XKR4: variants seen among roughly 807,000 people sequenced by gnomAD.
The protein encoded by XKR4 is XK related 4, also known as XK-related protein 4.
XKR4 carries 12 observed loss-of-function variants against 53.9 expected under a neutral mutation model. The ratio of observed to expected loss-of-function variants is 0.22; its 90% CI spans 0.14 to 0.36. The LOEUF (loss-of-function observed/expected upper bound fraction) is 0.36, where lower values mean the gene tolerates loss of function less well. XKR4 is among the 10% of genes least tolerant of loss of function. The probability of loss-of-function intolerance (pLI) is 1.00; values close to 1 mark genes in which losing one functional copy is unlikely to be tolerated. For synonymous variants in XKR4, 354 were observed against 362.4 expected (o/e 0.98, Z 0.26); for missense variants, 799 against 859.5 (o/e 0.93, Z 0.88).
At chr8:55,153,205 G>C (rs539678894) in intron 1 of XKR4, among the ~76,000 whole-genome samples, 4 of 152,298 alleles carry the variant, frequency 2.6e-5, no homozygotes, top group African/African-American at 7.2e-5. Flanking sequence ...AAAATTGGAC[G>C]AGTTGTTTGT....
chr8:55,314,346 G>A (rs768405145), intron 1 of XKR4, among the ~76,000 whole-genome samples: 1 of 152,120 alleles, frequency 6.6e-6, no homozygotes, highest in Non-Finnish European at 1.5e-5. Context: ...AACCCCAGGA[G>A]ACCTGGTAGT....
chr8:55,507,486 T>G (rs148278334), intron 2 of XKR4, among the ~76,000 whole-genome samples: 30 of 152,300 alleles, frequency 2.0e-4, no homozygotes, highest in Admixed American at 4.6e-4. Flanking sequence ...TATCTCCCAA[T>G]GCTATCCCTA....
At chr8:55,106,610 T>C (rs781262428) in intron 1 of XKR4, among the ~76,000 whole-genome samples, 5 of 152,210 alleles carry the variant, frequency 3.3e-5, no homozygotes, top group Non-Finnish European at 7.4e-5. Context: ...TTAGTCCTCA[T>C]GCTTTTGATC....
chr8:55,371,918 C>T (rs1804074237), intron 2 of XKR4, among the ~76,000 whole-genome samples: 1 of 152,216 alleles, frequency 6.6e-6, no homozygotes, highest in South Asian at 2.1e-4. Flanking sequence ...AGGGGCCTGA[C>T]TATTTTTAGG....
At chr8:55,453,475 G>C in intron 2 of XKR4, 1 of 397,318 alleles carries the variant, frequency 2.5e-6, no homozygotes, top group Non-Finnish European at 5.0e-6. Context: ...CGTGGGAGAT[G>C]CAGTTGCCCA....
intron 2 of XKR4, among the ~76,000 whole-genome samples, chr8:55,499,213 A>G (rs1467483542): frequency 6.6e-6 from 1 of 152,244 alleles, no homozygotes; most frequent in Non-Finnish European, 1.5e-5. Flanking sequence ...CCCACAGGCT[A>G]TGCTAAGATA....
At chr8:55,215,858 G>A (rs1022023449) in intron 1 of XKR4, among the ~76,000 whole-genome samples, 3 of 152,170 alleles carry the variant, frequency 2.0e-5, no homozygotes, top group Admixed American at 6.5e-5. Flanking sequence ...CACTAGTGCT[G>A]ATTTTGTTTT....
intron 1 of XKR4, among the ~76,000 whole-genome samples, chr8:55,195,749 G>A (rs1232700376): frequency 6.6e-6 from 1 of 152,118 alleles, no homozygotes; most frequent in African/African-American, 2.4e-5. Flanking sequence ...ATCAGAGGAG[G>A]TGTTTAGTTT....
At chr8:55,347,723 C>T (rs1803668944) in intron 1 of XKR4, among the ~76,000 whole-genome samples, 2 of 152,178 alleles carry the variant, frequency 1.3e-5, no homozygotes, top group Admixed American at 1.3e-4. Flanking sequence ...CTAATGAGAG[C>T]TGGGTATTTA....
chr8:55,274,655 A>G (rs1051104020), intron 1 of XKR4, among the ~76,000 whole-genome samples: 4 of 151,838 alleles, frequency 2.6e-5, no homozygotes, highest in African/African-American at 9.7e-5. Context: ...CTGGTCTCGA[A>G]CTCCTGGCCT....
At chr8:55,336,883 G>C (rs185313422) in intron 1 of XKR4, among the ~76,000 whole-genome samples, 1 of 152,072 alleles carries the variant, frequency 6.6e-6, no homozygotes, top group Non-Finnish European at 1.5e-5. Flanking sequence ...TGCATCAGGC[G>C]CACACGAACC....
At chr8:55,192,306 C>A (rs1402611146) in intron 1 of XKR4, among the ~76,000 whole-genome samples, 1 of 150,608 alleles carries the variant, frequency 6.6e-6, no homozygotes, top group Non-Finnish European at 1.5e-5. Flanking sequence ...GAGCATAAAA[C>A]TACTAAGATA....
At chr8:55,176,891 A>G (rs1817243079) in intron 1 of XKR4, among the ~76,000 whole-genome samples, 1 of 152,098 alleles carries the variant, frequency 6.6e-6, no homozygotes, top group African/African-American at 2.4e-5. Flanking sequence ...TTTACACACC[A>G]ATATCTATCT....
intron 2 of XKR4, among the ~76,000 whole-genome samples, chr8:55,478,007 C>G (rs747812409): frequency 9.2e-5 from 14 of 152,016 alleles, no homozygotes; most frequent in Non-Finnish European, 1.8e-4. Flanking sequence ...GAGAACTTCC[C>G]CAATCTAGCA....
At position 55,102,472 on chromosome 8, in the gene XKR4, T is replaced by A. The variant is rs757644031; in HGVS notation, c.-17T>A. On this transcript the variant is annotated 5_prime_UTR_variant, in exon 1 of 3. Transcript: ENST00000327381. This position sits in a 1 kb window ranked among gnomAD's most constrained non-coding sequence, Gnocchi z 5.1. ...GGTGTCAGATAAAGGAGGGCTCTCC[T>A]CCGGTGTGGAGGCATCATGGCCGCT... is the stretch of plus-strand genomic sequence containing the variant. 7 of 1,537,896 alleles carry A rather than the reference T, an allele frequency of 4.6e-6. No homozygotes were observed. Among genetic ancestry groups the A allele is most frequent in the Non-Finnish European group, 6.2e-6 (7 of 1,137,154 alleles).
chr8:55,460,011 GA>G lies in XKR4; in HGVS notation c.1007-63257del, dbSNP rs34496086. On this transcript the variant is annotated intron_variant, in intron 2 of 2. Coordinates refer to ENST00000327381, the MANE Select transcript of XKR4 (RefSeq NM_052898.2). Reference sequence around the variant, plus strand: ...GAATTATTCATAATAGCCAAATGCTGAAAAAAAAAAAAACCAAATGTCCATC... The same window carrying G: ...GAATTATTCATAATAGCCAAATGCTGAAAAAAAAAAAACCAAATGTCCATC... Among the ~76,000 whole-genome samples, 288 of 134,038 alleles carry G rather than the reference GA, an allele frequency of 2.1e-3. 1 individual carries two copies. Among genetic ancestry groups the G allele is most frequent in the Middle Eastern group, 7.9e-3 (2 of 254 alleles). 87.9% of individuals were successfully genotyped at this position (134,038 alleles called of 152,430 possible).
chr8:55,316,351 T>A (rs978568938), intron 1 of XKR4, among the ~76,000 whole-genome samples: 1 of 152,170 alleles, frequency 6.6e-6, no homozygotes, highest in Admixed American at 6.5e-5. Context: ...TCCATCCCAC[T>A]CTCCTCATTC....
intron 2 of XKR4, among the ~76,000 whole-genome samples, chr8:55,439,495 A>G (rs1250751461): frequency 6.6e-6 from 1 of 152,238 alleles, no homozygotes; most frequent in Non-Finnish European, 1.5e-5. Context: ...AAATAAAGAA[A>G]TGAAAGCATG....
intron 1 of XKR4, among the ~76,000 whole-genome samples, chr8:55,169,195 A>C (rs1308597217): frequency 6.6e-6 from 1 of 152,204 alleles, no homozygotes; most frequent in Non-Finnish European, 1.5e-5. Context: ...AAGTGTCTTC[A>C]TATGTAGTTT....
Sources: allele counts gnomAD v4.1 joint callset (sites outside exome capture counted in the v4.1 genomes callset), GRCh38; gene constraint gnomAD v4.1.1; non-coding constraint Gnocchi (gnomAD v3.1); transcripts MANE v1.5; gene names NCBI Gene and HGNC (gene_info 2026-07-23, HGNC 2026-07-21).